Variants in EPC1 observed in about 807,000 individuals in gnomAD.
EPC1 encodes the protein enhancer of polycomb 1.
In EPC1, 12 loss-of-function variants were observed where a neutral mutation model predicts 98.4. That is an observed-to-expected ratio of 0.12 (90% CI 0.08 to 0.20). EPC1 has a LOEUF of 0.20. Ranked by LOEUF, EPC1 falls within the 10% of genes least tolerant of loss-of-function variation. The pLI is 1.00. For synonymous variants in EPC1, 357 were observed against 363.9 expected (o/e 0.98, Z 0.21); for missense variants, 729 against 990.5 (o/e 0.74, Z 3.54).
chr10:32,274,412 C>T (rs1053505668), intron 10 of EPC1, among the ~76,000 whole-genome samples: 2 of 152,122 alleles, frequency 1.3e-5, no homozygotes, highest in African/African-American at 4.8e-5. Flanking sequence ...CATGAAGAAT[C>T]TTTCTTTATC....
At chr10:32,362,224 T>C (rs7069124) in intron 1 of EPC1, among the ~76,000 whole-genome samples, 9,667 of 152,156 alleles carry the variant, frequency 0.064, 1,013 homozygotes, top group African/African-American at 0.22. Flanking sequence ...GGGGCCTGGA[T>C]GGGGACCCCT....
In EPC1 at chr10:32,284,661, T is replaced by G. The variant is rs2132692512; in HGVS notation, c.1744+37A>C. On this transcript the variant is annotated intron_variant, in intron 10 of 13. Transcript: ENST00000319778. ...AAATGGGAAATGGTTGGACCTGACA[T>G]TTCTATAGAAACGTACATCATTAAC... The G allele has an allele frequency of 2.0e-6, 3 of 1,519,740 alleles. No homozygotes were observed. In the East Asian group the frequency reaches 6.8e-5, roughly 34 times the overall value. The allele number at this position is 1,519,740 out of a possible 1,614,324, so 94.1% of individuals were successfully genotyped here.
chr10:32,355,677 T>G, intron 1 of EPC1, among the ~76,000 whole-genome samples: 1 of 137,882 alleles, frequency 7.3e-6, no homozygotes. Flanking sequence ...TGCAGTGGCA[T>G]GATCTTGGCT....
chr10:32,286,617 T>C, intron 9 of EPC1, 77 bp downstream of exon 9: 1 of 1,525,970 alleles, frequency 6.6e-7, no homozygotes, highest in Admixed American at 1.8e-5. Context: ...TCAGAGGGAT[T>C]ACCTGACTTT....
chr10:32,343,898 A>G (rs571463989), intron 1 of EPC1, among the ~76,000 whole-genome samples: 2 of 152,352 alleles, frequency 1.3e-5, no homozygotes, highest in East Asian at 3.9e-4. Flanking sequence ...TCACATGACA[A>G]TTCTGCAGAT....
chr10:32,367,099 G>A (rs550537029), intron 1 of EPC1, among the ~76,000 whole-genome samples: 2 of 152,290 alleles, frequency 1.3e-5, no homozygotes, highest in East Asian at 1.9e-4. Context: ...GGGTTCAAGC[G>A]ATTCTCCTGC....
intron 5 of EPC1, 143 bp from the exon 6 acceptor site, chr10:32,291,465 T>C (rs1834846086): frequency 1.6e-6 from 1 of 639,382 alleles, no homozygotes; most frequent in Admixed American, 3.0e-5. Flanking sequence ...ACCTTGTGTG[T>C]ATATGTGGTG....
Position 32,287,189 on chromosome 10 carries a change from T to G in EPC1, c.1061A>C (p.Gln354Pro), listed in dbSNP as rs749586879. Residue 354 changes from glutamine (Q) to proline (P), a missense_variant, in exon 7 of 14, where the codon CAA (glutamine) becomes CCA (proline). Transcript: ENST00000319778. The stretch of plus-strand genomic sequence containing the variant: ...TGGCAGTGCAGCAGGACTCGTCTGT[T>G]GGGGAGTAGCAGCGGCAGACGATGG... Reference protein sequence around the residue: ...VLPSSAAATPQQTSPAALPVF... With the variant: ...VLPSSAAATPPQTSPAALPVF... The G allele has an allele frequency of 1.6e-5, 26 of 1,614,030 alleles. No homozygotes were observed. Among genetic ancestry groups the G allele is most frequent in the Admixed American group, 5.0e-5 (3 of 59,992 alleles).
At chr10:32,304,852 G>A (rs913353463) in intron 2 of EPC1, among the ~76,000 whole-genome samples, 2 of 151,434 alleles carry the variant, frequency 1.3e-5, no homozygotes, top group South Asian at 4.2e-4. Flanking sequence ...CCAGGAGGTG[G>A]AGGTTGTGGT....
At chr10:32,346,513 G>T in intron 1 of EPC1, 1 of 499,694 alleles carries the variant, frequency 2.0e-6, no homozygotes. Context: ...TGCCTTTCGG[G>T]CCCCCGAACT....
rs777513875 is a variant in EPC1 at position 32,273,095 on chromosome 10, T to C, written c.1863+68A>G. 3.7e-6 allele frequency: 6 copies of C among 1,614,070 alleles called. No homozygotes were observed. The South Asian group carries it at 6.6e-5, about 18-fold the overall frequency. On this transcript the variant is annotated intron_variant, in intron 11 of 13. Transcript: ENST00000319778. ...TAGATGCAAGGTTCTATGACAACAG[T>C]TGGTAATTAGAGATGAACTCTGGTG...
intron 1 of EPC1, among the ~76,000 whole-genome samples, chr10:32,370,259 T>A (rs1473200094): frequency 6.6e-6 from 1 of 152,206 alleles, no homozygotes; most frequent in Non-Finnish European, 1.5e-5. Flanking sequence ...CTGTCATTAA[T>A]CTTTATGTAG....
intron 1 of EPC1, among the ~76,000 whole-genome samples, chr10:32,337,131 C>T (rs1003863187): frequency 1.3e-5 from 2 of 152,154 alleles, no homozygotes; most frequent in African/African-American, 4.8e-5. Context: ...AATCAAGTTA[C>T]TTGAAATTTA....
chr10:32,295,729 A>C (rs1835114214), intron 2 of EPC1, among the ~76,000 whole-genome samples: 1 of 152,192 alleles, frequency 6.6e-6, no homozygotes, highest in Non-Finnish European at 1.5e-5. Flanking sequence ...ATATTAATTA[A>C]ATAAAATTTA....
At chr10:32,315,119 T>C (rs1160923902) in intron 1 of EPC1, among the ~76,000 whole-genome samples, 1 of 152,232 alleles carries the variant, frequency 6.6e-6, no homozygotes, top group East Asian at 1.9e-4. Flanking sequence ...TGTATTCTCA[T>C]GTACTATTTG....
intron 2 of EPC1, among the ~76,000 whole-genome samples, chr10:32,295,367 C>T (rs1326042913): frequency 6.6e-6 from 1 of 152,204 alleles, no homozygotes. Flanking sequence ...CAGTGTCTGG[C>T]CTGGGGAAGT....
rs577091677 is a variant in EPC1, at chr10:32,338,649, T to C, written c.153+8114A>G. ...GGCTCTGTGCACCTGTAGGTCTCTC[T>C]GGATTATTCCTCATGCAGATCTTCC... On this transcript the variant is annotated intron_variant, in intron 1 of 13. Transcript: ENST00000319778. 3.9e-4 allele frequency among the ~76,000 whole-genome samples: 60 copies of C among 152,306 alleles called. No homozygotes were observed. In the South Asian group the frequency reaches 0.012, roughly 29 times the overall value.
At chr10:32,346,499 T>G in intron 1 of EPC1, 1 of 477,226 alleles carries the variant, frequency 2.1e-6, no homozygotes, top group Non-Finnish European at 3.8e-6. Flanking sequence ...ACGTGACCCC[T>G]TTGTGCCTTT....
At chr10:32,350,543 G>A (rs1839082285), upstream of EPC1, among the ~76,000 whole-genome samples, 1 of 152,194 alleles carries the variant, frequency 6.6e-6, no homozygotes, top group Admixed American at 6.5e-5. Flanking sequence ...CAACTGTCAG[G>A]TATGATTGAG....
Sources: allele counts gnomAD v4.1 joint callset (sites outside exome capture counted in the v4.1 genomes callset), GRCh38; gene constraint gnomAD v4.1.1; transcripts MANE v1.5; gene names NCBI Gene and HGNC (gene_info 2026-07-23, HGNC 2026-07-21).